The following ARID1B variants were observed in gnomAD, a reference collection of about 807,000 sequenced individuals.
The protein encoded by ARID1B is AT-rich interaction domain 1B, also known as AT-rich interactive domain-containing protein 1B.
ARID1B carries 30 observed loss-of-function variants against 212.3 expected under a neutral mutation model. The observed-to-expected ratio is 0.14, with a 90% CI of 0.11 to 0.19. The LOEUF (loss-of-function observed/expected upper bound fraction) is 0.19. Ranked by LOEUF, ARID1B falls within the 10% of genes least tolerant of loss-of-function variation. ARID1B has a pLI of 1.00. For missense variants in ARID1B, 2,891 were observed against 3,204.0 expected (o/e 0.90, Z 2.36); for synonymous variants, 1,402 against 1,301.7 (o/e 1.08, Z -1.66).
intron 1 of ARID1B, among the ~76,000 whole-genome samples, chr6:156,780,104 A>C (rs1779134770): frequency 6.6e-6 from 1 of 152,152 alleles, no homozygotes; most frequent in Admixed American, 6.5e-5. Flanking sequence ...TAATAACAAA[A>C]TTTACAACGA....
intron 4 of ARID1B, among the ~76,000 whole-genome samples, chr6:157,017,589 T>C (rs1236193416): frequency 5.3e-5 from 8 of 152,224 alleles, no homozygotes; most frequent in African/African-American, 1.9e-4. Flanking sequence ...AAATGAGCAG[T>C]GCTAGTTGAA....
At chr6:157,045,264 C>A (rs1782158717) in intron 4 of ARID1B, among the ~76,000 whole-genome samples, 1 of 152,124 alleles carries the variant, frequency 6.6e-6, no homozygotes, top group South Asian at 2.1e-4. Context: ...AGATATGCCC[C>A]AGGCTACCAA....
At position 157,174,101 on chromosome 6, in the gene ARID1B, C is replaced by T. The variant is rs1366974259; in HGVS notation, c.3329C>T (p.Pro1110Leu). The change falls in exon 10 of 20, where the codon CCC becomes CTC. Residue 1110 changes from proline to leucine, a missense_variant. Transcript: ENST00000636930. Reference protein sequence around the residue: ...ADGKEEGTPQPESKSKDSYSS... With the variant: ...ADGKEEGTPQLESKSKDSYSS... ...GGCAAAGAAGAAGGCACTCCACAGC[C>T]CGAGAGCAAGTCAAAGGTACTTCCT... The T allele has an allele frequency of 1.9e-6, 3 of 1,614,154 alleles. No homozygotes were observed. The highest frequency in any genetic ancestry group is 2.5e-6 in the Non-Finnish European group (3 of 1,179,996).
At chr6:156,792,863 C>G (rs1461347438) in intron 1 of ARID1B, among the ~76,000 whole-genome samples, 1 of 152,078 alleles carries the variant, frequency 6.6e-6, no homozygotes, top group African/African-American at 2.4e-5. Context: ...CTTAGGATGT[C>G]TGTGTAGGGA....
intron 11 of ARID1B, among the ~76,000 whole-genome samples, chr6:157,178,890 C>A (rs553559215): frequency 6.6e-6 from 1 of 152,304 alleles, no homozygotes; most frequent in Admixed American, 6.5e-5. Flanking sequence ...GAACCACTCC[C>A]CAGTTTCAGT....
chr6:157,142,073 T>C (rs916046664), intron 7 of ARID1B, among the ~76,000 whole-genome samples: 14 of 152,122 alleles, frequency 9.2e-5, no homozygotes, highest in Non-Finnish European at 1.9e-4. Context: ...TGCAACGGTG[T>C]GGATGGATGT....
Position 156,777,726 on chromosome 6 carries a change from G to A in ARID1B, c.46G>A (p.Ala16Thr), listed in dbSNP as rs1166594526. Reference protein sequence around the residue: ...AAAAAAAAARARARAGSGERR... With the variant: ...AAAAAAAAARTRARAGSGERR... ...GGCGGCGGCGGCGGCGGCGGCGCGGGCGCGGGCGCGGGCAGGCAGCGGCGA... is the reference window on the plus strand; with the variant it reads ...GGCGGCGGCGGCGGCGGCGGCGCGGACGCGGGCGCGGGCAGGCAGCGGCGA... The change falls in exon 1 of 20, where the codon GCG becomes ACG. Residue 16 changes from alanine (A) to threonine (T), a missense_variant. By Grantham distance (58) the Ala-to-Thr change is moderately conservative. This residue lies in a region of ARID1B where 1,643 missense variants were observed against 1,544.0 expected (regional missense o/e 1.06). Transcript: ENST00000636930. 1.7e-5 allele frequency: 3 copies of A among 175,274 alleles called. No individual in the cohort carries two copies. The highest frequency in any genetic ancestry group is 3.2e-5 in the Non-Finnish European group (3 of 95,012). The allele number at this position is 175,274 out of a possible 1,614,324, so 10.9% of individuals were successfully genotyped here. A position where few individuals can be genotyped will look rare whatever the true frequency, so the allele number is the denominator to read the frequency against.
At chr6:156,826,166 T>G (rs1400141330) in intron 1 of ARID1B, among the ~76,000 whole-genome samples, 1 of 152,222 alleles carries the variant, frequency 6.6e-6, no homozygotes, top group Admixed American at 6.5e-5. Flanking sequence ...AAAAGTTGCT[T>G]GTAGGCTGTG....
At position 156,966,459 on chromosome 6, in the gene ARID1B, T is replaced by C. The variant is rs1397277782; in HGVS notation, c.2247+30883T>C. Among the ~76,000 whole-genome samples, 4 of 149,170 alleles carry C rather than the reference T, an allele frequency of 2.7e-5. No individual in the cohort carries two copies. The East Asian group carries it at 7.9e-4, about 29-fold the overall frequency. On this transcript the variant is annotated intron_variant, in intron 4 of 19. Coordinates refer to ENST00000636930, the MANE Select transcript of ARID1B (RefSeq NM_001374828.1). The stretch of plus-strand genomic sequence containing the variant: ...CCCAGGCTGGAGTGCAGTGGTGCGA[T>C]CTTGGCTCACTGCAACCTCCGCCTC...
intron 1 of ARID1B, among the ~76,000 whole-genome samples, chr6:156,800,604 A>G (rs1212127973): frequency 6.6e-6 from 1 of 152,124 alleles, no homozygotes; most frequent in African/African-American, 2.4e-5. Context: ...AAAAAAAAGC[A>G]AATAAAATAA....
intron 4 of ARID1B, among the ~76,000 whole-genome samples, chr6:157,082,574 G>A (rs1487366990): frequency 3.9e-5 from 6 of 152,080 alleles, no homozygotes; most frequent in African/African-American, 1.5e-4. Context: ...GCATCTCACC[G>A]TGTCACCTAG....
chr6:156,784,973 T>C (rs977408180), intron 1 of ARID1B, among the ~76,000 whole-genome samples: 2 of 152,264 alleles, frequency 1.3e-5, no homozygotes, highest in South Asian at 2.1e-4. Flanking sequence ...TTGCCCAGGC[T>C]GGTCTCGAAC....
At chr6:157,032,694 A>T (rs553701115) in intron 4 of ARID1B, among the ~76,000 whole-genome samples, 7 of 152,286 alleles carry the variant, frequency 4.6e-5, no homozygotes, top group African/African-American at 1.7e-4. Context: ...TTATTGACTT[A>T]TTTTGTTAAC....
chr6:157,006,928 C>G (rs1285915296), intron 4 of ARID1B, among the ~76,000 whole-genome samples: 1 of 152,214 alleles, frequency 6.6e-6, no homozygotes, highest in Non-Finnish European at 1.5e-5. Context: ...AGAAAAAATG[C>G]TGTGTATTCT....
chr6:157,197,879 T>G (rs192746290), intron 16 of ARID1B, among the ~76,000 whole-genome samples: 110 of 152,370 alleles, frequency 7.2e-4, no homozygotes, highest in African/African-American at 2.5e-3. Flanking sequence ...TTTCCTCCTA[T>G]CTCTGCATTT....
At chr6:156,972,524 C>A (rs1362521712) in intron 4 of ARID1B, among the ~76,000 whole-genome samples, 1 of 152,134 alleles carries the variant, frequency 6.6e-6, no homozygotes, top group Non-Finnish European at 1.5e-5. Flanking sequence ...TCTTTAGTTA[C>A]CAGTGGAAGA....
chr6:156,886,313 C>T (rs1787494904), intron 2 of ARID1B, among the ~76,000 whole-genome samples: 1 of 152,332 alleles, frequency 6.6e-6, no homozygotes, highest in South Asian at 2.1e-4. Flanking sequence ...TTGCCTCAGC[C>T]TCTGGAGTAG....
intron 4 of ARID1B, chr6:157,036,940 G>A (rs1781369370): frequency 4.4e-6 from 2 of 457,822 alleles, no homozygotes; most frequent in Non-Finnish European, 8.5e-6. Flanking sequence ...GGATTTGAAG[G>A]TTCAACAGAG....
intron 2 of ARID1B, among the ~76,000 whole-genome samples, chr6:156,855,963 A>G (rs1784900301): frequency 6.6e-6 from 1 of 152,222 alleles, no homozygotes; most frequent in South Asian, 2.1e-4. Context: ...TTCAGGAAAA[A>G]TGTGGTTATG....
Sources: gnomAD v4.1 joint callset for allele counts (sites outside exome capture counted in the v4.1 genomes callset) on GRCh38, gnomAD v4.1.1 for gene constraint, gnomAD v4.1.1 regional missense constraint, MANE v1.5 for transcripts, NCBI Gene and HGNC (gene_info 2026-07-23, HGNC 2026-07-21) for gene names.